The following QTGAL variants were observed in gnomAD, a reference collection of about 807,000 sequenced individuals.
The protein encoded by QTGAL is BGnT-like protein 1.
the QTGAL span, among the ~76,000 whole-genome samples, chr17:82,980,365 T>C: frequency 1.3e-5 from 2 of 152,188 alleles, no homozygotes; most frequent in Non-Finnish European, 2.9e-5. Context: ...CCATCAGTTC[T>C]GGAGTAGACA....
the QTGAL span, among the ~76,000 whole-genome samples, chr17:83,026,718 A>AGCG: frequency 7.2e-5 from 9 of 124,280 alleles, no homozygotes; most frequent in East Asian, 2.6e-4. Flanking sequence ...AGACACGCAG[A>AGCG]GGAGGGCAGG....
the QTGAL span, among the ~76,000 whole-genome samples, chr17:82,977,289 G>A: frequency 2.0e-5 from 3 of 152,178 alleles, no homozygotes; most frequent in South Asian, 2.1e-4. Flanking sequence ...GACACGGACC[G>A]TGTTTGCATC....
the QTGAL span, chr17:82,956,723 CG>C: frequency 6.3e-7 from 1 of 1,589,128 alleles, no homozygotes; most frequent in Non-Finnish European, 8.6e-7. This position sits in a 1 kb window ranked among gnomAD's most constrained non-coding sequence, Gnocchi z 5.7. Context: ...GAAGGGTGGC[CG>C]GGCGGCTCGG....
the QTGAL span, among the ~76,000 whole-genome samples, chr17:83,002,427 G>A: frequency 1.3e-5 from 2 of 152,204 alleles, no homozygotes; most frequent in Admixed American, 1.3e-4. Flanking sequence ...GTCTGCCTGA[G>A]TTCCCGTTTT....
At chr17:83,048,485 G>C in the QTGAL span, 4 of 1,611,264 alleles carry the variant, frequency 2.5e-6, no homozygotes, top group African/African-American at 5.3e-5. Flanking sequence ...TCTAGGAGAG[G>C]GAGAATCGTG....
chr17:82,963,374 G>C, the QTGAL span, among the ~76,000 whole-genome samples: 1 of 152,170 alleles, frequency 6.6e-6, no homozygotes, highest in African/African-American at 2.4e-5. Flanking sequence ...GTCACCACGC[G>C]GGGACAGAAG....
the QTGAL span, chr17:82,981,769 A>G: frequency 1.3e-5 from 2 of 152,264 alleles, no homozygotes; most frequent in African/African-American, 2.4e-5. Flanking sequence ...TTAGGTTGAC[A>G]TGGCTGAGAG....
chr17:82,963,373 C>T, the QTGAL span, among the ~76,000 whole-genome samples: 20 of 152,238 alleles, frequency 1.3e-4, no homozygotes, highest in South Asian at 2.3e-3. Context: ...AGTCACCACG[C>T]GGGGACAGAA....
the QTGAL span, among the ~76,000 whole-genome samples, chr17:83,016,105 T>C: frequency 6.6e-6 from 1 of 152,224 alleles, no homozygotes; most frequent in African/African-American, 2.4e-5. Flanking sequence ...ATTTGCTTCA[T>C]AATTAACTTG....
chr17:83,035,271 C>CT, the QTGAL span, among the ~76,000 whole-genome samples: 3 of 151,998 alleles, frequency 2.0e-5, no homozygotes, highest in South Asian at 6.3e-4. Flanking sequence ...CCTCCGCCTC[C>CT]TGGGTCCAAG....
chr17:83,013,087 T>C, the QTGAL span, among the ~76,000 whole-genome samples: 1 of 152,148 alleles, frequency 6.6e-6, no homozygotes, highest in African/African-American at 2.4e-5. Flanking sequence ...TCAGACATAT[T>C]TGCGGTTCCT....
At chr17:82,957,141 GTGGT>G in the QTGAL span, 3 of 1,612,212 alleles carry the variant, frequency 1.9e-6, no homozygotes, top group African/African-American at 4.0e-5. Flanking sequence ...CCCGGAGCAG[GTGGT>G]TGACCCCAAG....
chr17:82,955,995 T>A, the QTGAL span, among the ~76,000 whole-genome samples: 4 of 150,572 alleles, frequency 2.7e-5, no homozygotes, highest in Non-Finnish European at 5.9e-5. Context: ...CTGGGACCTG[T>A]TGGAGGGTGG....
the QTGAL span, among the ~76,000 whole-genome samples, chr17:83,051,141 G>A: frequency 1.3e-5 from 2 of 149,426 alleles, no homozygotes; most frequent in Non-Finnish European, 3.0e-5. Flanking sequence ...GCACGTGTGT[G>A]GGGTGTGGGG....
the QTGAL span, among the ~76,000 whole-genome samples, chr17:82,986,177 G>A: frequency 3.3e-5 from 5 of 152,314 alleles, no homozygotes; most frequent in African/African-American, 7.2e-5. Flanking sequence ...CTTTGTGCCC[G>A]TGAACTCGGC....
chr17:83,048,673 C>G, the QTGAL span: 3 of 1,612,832 alleles, frequency 1.9e-6, 1 homozygote, highest in Middle Eastern at 3.3e-4. Flanking sequence ...ACAAACCTTA[C>G]TGGCATCATT....
chr17:82,983,921 G>T, the QTGAL span, among the ~76,000 whole-genome samples: 2,725 of 152,182 alleles, frequency 0.018, 31 homozygotes, highest in Middle Eastern at 0.037. Flanking sequence ...ATAAGAAGAG[G>T]AAGAGACACC....
the QTGAL span, chr17:82,961,393 G>T: frequency 3.5e-6 from 1 of 289,134 alleles, no homozygotes; most frequent in Non-Finnish European, 7.0e-6. Flanking sequence ...GGAAAGAGGG[G>T]AAGGGAGGGT....
the QTGAL span, among the ~76,000 whole-genome samples, chr17:82,958,880 C>CTGGGGGTGTATGGTGTGTATGTG: frequency 3.7e-5 from 2 of 53,382 alleles, no homozygotes; most frequent in African/African-American, 2.1e-4. Context: ...TGTGTGTACA[C>CTGGGGGTGTATGGTGTGTATGTG]TGGGGGTGTA....
Sources: gnomAD v4.1 joint callset for allele counts (sites outside exome capture counted in the v4.1 genomes callset) on GRCh38, gnomAD v4.1.1 for gene constraint, Gnocchi (gnomAD v3.1) non-coding constraint, MANE v1.5 for transcripts, NCBI Gene and HGNC (gene_info 2026-07-23, HGNC 2026-07-21) for gene names.